The following IQCB1 variants were observed in gnomAD, a reference collection of about 807,000 sequenced individuals.
The protein encoded by IQCB1 is IQ motif containing B1.
Under a neutral mutation model 84.4 loss-of-function variants are expected in IQCB1, and 56 were observed. The observed-to-expected ratio is 0.66, with a 90% CI of 0.54 to 0.83. The LOEUF is 0.83. Among genes scored for constraint, IQCB1 ranks in the 40% least tolerant of loss-of-function variants. The pLI, the probability that IQCB1 is intolerant of heterozygous loss-of-function variation, is 0.00. For missense variants in IQCB1, 629 were observed against 682.1 expected (o/e 0.92, Z 0.87); for synonymous variants, 210 against 234.8 (o/e 0.89, Z 0.96).
intron 5 of IQCB1, among the ~76,000 whole-genome samples, chr3:121,811,892 G>A (rs1025021154): frequency 2.0e-5 from 3 of 152,176 alleles, no homozygotes; most frequent in Admixed American, 6.5e-5. Context: ...AGAGAGCGGC[G>A]CATCTCCCAG....
intron 12 of IQCB1, among the ~76,000 whole-genome samples, chr3:121,784,208 A>C (rs903415889): frequency 6.6e-6 from 1 of 150,748 alleles, no homozygotes; most frequent in African/African-American, 2.4e-5. Flanking sequence ...TTTTAATTAA[A>C]GATTCTACCT....
chr3:121,774,911 T>A (rs1948160615), intron 13 of IQCB1, among the ~76,000 whole-genome samples: 2 of 152,200 alleles, frequency 1.3e-5, no homozygotes, highest in South Asian at 4.1e-4. Context: ...TTTTATCTAT[T>A]TTACCACCCT....
intron 13 of IQCB1, among the ~76,000 whole-genome samples, chr3:121,773,333 A>AAAAAAG (rs1948087278): frequency 6.6e-6 from 1 of 150,604 alleles, no homozygotes. Context: ...AAAAAAAAAA[A>AAAAAAG]AAAGACACTG....
At chr3:121,771,649 G>A (rs866956615) in intron 14 of IQCB1, among the ~76,000 whole-genome samples, 1 of 152,130 alleles carries the variant, frequency 6.6e-6, no homozygotes, top group African/African-American at 2.4e-5. Flanking sequence ...TTAAAGAATA[G>A]AAACTTTAAT....
At chr3:121,803,879 A>G (rs1406860329) in intron 7 of IQCB1, among the ~76,000 whole-genome samples, 1 of 152,138 alleles carries the variant, frequency 6.6e-6, no homozygotes, top group African/African-American at 2.4e-5. Context: ...GTAGGCTTGT[A>G]CTTTTTAAAT....
intron 12 of IQCB1, 92 bp downstream of exon 12, chr3:121,788,192 C>T (rs1488933692): frequency 7.9e-7 from 1 of 1,272,528 alleles, no homozygotes; most frequent in South Asian, 1.2e-5. Context: ...AGTGTCTTGA[C>T]CAAGGCTTTA....
chr3:121,823,172 A>G (rs1950335591), intron 5 of IQCB1, among the ~76,000 whole-genome samples: 1 of 146,266 alleles, frequency 6.8e-6, no homozygotes, highest in Non-Finnish European at 1.5e-5. Context: ...AAGACAGAAC[A>G]ATAGAAATTA....
intron 5 of IQCB1, among the ~76,000 whole-genome samples, chr3:121,811,463 G>A (rs1949827367): frequency 6.6e-6 from 1 of 152,168 alleles, no homozygotes; most frequent in African/African-American, 2.4e-5. Flanking sequence ...GAGCCAAGAG[G>A]TCTTGTTCAG....
Position 121,770,175 on chromosome 3 carries a change from A to G in IQCB1, c.*170T>C. ...ATGAGGATACAGAGAAAAGAAAAAG[A>G]AAATTGAGAGAGAGGTAGAATATAA... On this transcript the variant is annotated 3_prime_UTR_variant, in exon 15 of 15. Transcript: ENST00000310864. 1.7e-6 allele frequency: 1 copy of G among 600,170 alleles called. No homozygotes were observed. Among genetic ancestry groups the G allele is most frequent in the Non-Finnish European group, 3.0e-6 (1 of 338,236 alleles). 37.2% of individuals were successfully genotyped at this position (600,170 alleles called of 1,614,324 possible).
intron 11 of IQCB1, 61 bp downstream of exon 11, chr3:121,790,012 T>A: frequency 8.4e-6 from 12 of 1,431,114 alleles, no homozygotes; most frequent in Non-Finnish European, 1.1e-5. Flanking sequence ...GCTAGAAAAG[T>A]TGGTTTGTTA....
In IQCB1 at chr3:121,781,866, T is replaced by A. The variant is rs776326876; in HGVS notation, c.1287A>T (p.Lys429Asn). ...TTTTCTTACGGCACTTCGCTAGGAA[T>A]TTAAGCGCCTGGAAGAAAAAAAATT... ...AAVTLQRAAL[K>N]FLAKCRKKKK... The change falls in exon 13 of 15, where the codon AAA becomes AAT. Residue 429 changes from lysine (K) to asparagine (N), a missense_variant. Physicochemically the swap from Lys to Asn is moderately conservative, Grantham distance 94 (BLOSUM62 0). Coordinates refer to ENST00000310864, the MANE Select transcript of IQCB1 (RefSeq NM_001023570.4). 4 of 1,613,198 alleles carry A rather than the reference T, an allele frequency of 2.5e-6. No individual in the cohort carries two copies. The highest frequency in any genetic ancestry group is 1.3e-5 in the African/African-American group (1 of 74,902).
intron 6 of IQCB1, among the ~76,000 whole-genome samples, chr3:121,808,430 A>G (rs779185712): frequency 1.8e-4 from 28 of 151,986 alleles, no homozygotes; most frequent in Non-Finnish European, 3.1e-4. Context: ...AAACTCATAC[A>G]TGTTTATATC....
intron 5 of IQCB1, among the ~76,000 whole-genome samples, chr3:121,818,141 G>A (rs1576604250): frequency 6.6e-6 from 1 of 152,184 alleles, no homozygotes; most frequent in African/African-American, 2.4e-5. Flanking sequence ...TTGTGAATCT[G>A]CTCAAGCTCT....
At chr3:121,772,044 C>T (rs546878672) in intron 14 of IQCB1, among the ~76,000 whole-genome samples, 2 of 151,968 alleles carry the variant, frequency 1.3e-5, no homozygotes, top group Admixed American at 6.6e-5. Context: ...CGTGGTGGTG[C>T]GCACCTGTAG....
Position 121,814,656 on chromosome 3 carries a change from C to A in IQCB1, c.394-5647G>T, listed in dbSNP as rs542274174. Reference sequence around the variant, plus strand: ...CCTCTACACAAATAAACTAGAAAATCTAGAAGAAATGGACAAATTCCTGGA... The same window carrying A: ...CCTCTACACAAATAAACTAGAAAATATAGAAGAAATGGACAAATTCCTGGA... On this transcript the variant is annotated intron_variant, in intron 5 of 14. Coordinates refer to ENST00000310864, the MANE Select transcript of IQCB1 (RefSeq NM_001023570.4). Among the ~76,000 whole-genome samples, 12 of 152,270 alleles carry A rather than the reference C, an allele frequency of 7.9e-5. No individual in the cohort carries two copies. The East Asian group carries it at 2.3e-3, about 29-fold the overall frequency.
chr3:121,802,739 G>A lies in IQCB1; in HGVS notation c.588-3365C>T, dbSNP rs115899966. Among the ~76,000 whole-genome samples, 1,506 of 152,126 alleles carry A rather than the reference G, an allele frequency of 9.9e-3. 15 individuals carry two copies. The highest frequency in any genetic ancestry group is 0.034 in the African/African-American group (1,403 of 41,520). ...CTTCTTTTCCTAGTTTCTTAAAGGG[G>A]AAAGCCGAGGTCAATGATTTGAGAT... is the stretch of plus-strand genomic sequence containing the variant. On this transcript the variant is annotated intron_variant, in intron 7 of 14. Coordinates refer to ENST00000310864, the MANE Select transcript of IQCB1 (RefSeq NM_001023570.4).
At chr3:121,832,844 T>G (rs1251112916) in intron 2 of IQCB1, among the ~76,000 whole-genome samples, 2 of 152,214 alleles carry the variant, frequency 1.3e-5, no homozygotes, top group Non-Finnish European at 2.9e-5. Flanking sequence ...TTAAAGTTAT[T>G]GATGGATTAA....
intron 5 of IQCB1, among the ~76,000 whole-genome samples, chr3:121,810,247 C>A (rs904251890): frequency 1.3e-5 from 2 of 152,098 alleles, no homozygotes; most frequent in African/African-American, 4.8e-5. Context: ...TAGGTCAGAA[C>A]GTGTATGTCC....
chr3:121,808,416 C>T (rs1403486261), intron 6 of IQCB1, among the ~76,000 whole-genome samples: 3 of 151,852 alleles, frequency 2.0e-5, no homozygotes, highest in Non-Finnish European at 4.4e-5. Flanking sequence ...CTTAAGAAAA[C>T]ATAAAACTCA....
Sources: gnomAD v4.1 joint callset for allele counts (sites outside exome capture counted in the v4.1 genomes callset) on GRCh38, gnomAD v4.1.1 for gene constraint, MANE v1.5 for transcripts, NCBI Gene and HGNC (gene_info 2026-07-23, HGNC 2026-07-21) for gene names.